STAU2: variants seen among roughly 807,000 people sequenced by gnomAD.
The protein encoded by STAU2 is double-stranded RNA-binding protein Staufen homolog 2.
A neutral mutation model predicts 65.9 loss-of-function variants in STAU2; 20 were observed. The ratio of observed to expected loss-of-function variants is 0.30; its 90% CI spans 0.21 to 0.44. The LOEUF (loss-of-function observed/expected upper bound fraction) is 0.44, where lower values mean the gene tolerates loss of function less well. Among genes scored for constraint, STAU2 ranks in the 20% least tolerant of loss-of-function variants. STAU2 has a pLI of 1.00. For synonymous variants in STAU2, 232 were observed against 233.9 expected (o/e 0.99, Z 0.07); for missense variants, 558 against 683.9 (o/e 0.82, Z 2.05).
At chr8:73,449,215 C>G (rs910604949) in intron 13 of STAU2, among the ~76,000 whole-genome samples, 1 of 152,198 alleles carries the variant, frequency 6.6e-6, no homozygotes, top group Non-Finnish European at 1.5e-5. Context: ...TCCCACAGAC[C>G]GCCACTGAAT....
chr8:73,446,206 A>T (rs1818457290), intron 13 of STAU2, among the ~76,000 whole-genome samples: 1 of 152,234 alleles, frequency 6.6e-6, no homozygotes, highest in African/African-American at 2.4e-5. Context: ...TGTTATTATG[A>T]TTCCATTTAT....
intron 11 of STAU2, among the ~76,000 whole-genome samples, chr8:73,588,271 T>C (rs767974711): frequency 4.5e-4 from 69 of 152,190 alleles, no homozygotes; most frequent in Non-Finnish European, 9.7e-4. Context: ...GTTAACAGCT[T>C]TGGCAGGGCA....
At chr8:73,688,894 A>G in intron 4 of STAU2, 81 bp from the exon 5 acceptor site, 5 of 1,500,184 alleles carry the variant, frequency 3.3e-6, no homozygotes, top group Non-Finnish European at 4.5e-6. Flanking sequence ...AAAAATAAAC[A>G]TCATAGAATC....
chr8:73,648,161 A>G lies in STAU2; in HGVS notation c.410+24946T>C, dbSNP rs1261495239. Among the ~76,000 whole-genome samples, 3 of 152,232 alleles carry G rather than the reference A, an allele frequency of 2.0e-5. No individual in the cohort carries two copies. The East Asian group carries it at 5.8e-4, about 29-fold the overall frequency. ...ATCAATAGTAATTAGCAGTATCTAC[A>G]TTCTCAAGTTTCCAAATACGTATCT... On this transcript the variant is annotated intron_variant, in intron 6 of 14. Transcript: ENST00000524300.
chr8:73,517,338 T>C (rs1822791863), intron 13 of STAU2, among the ~76,000 whole-genome samples: 1 of 152,116 alleles, frequency 6.6e-6, no homozygotes, highest in Non-Finnish European at 1.5e-5. Flanking sequence ...AGTGGGAGGA[T>C]CACTTGTGCT....
chr8:73,651,567 G>A, intron 6 of STAU2: 2 of 839,672 alleles, frequency 2.4e-6, no homozygotes, highest in East Asian at 2.9e-5. Context: ...CTGTGCCCTT[G>A]GGCACCCCTG....
chr8:73,479,291 A>G (rs1459264862), intron 13 of STAU2, among the ~76,000 whole-genome samples: 1 of 152,090 alleles, frequency 6.6e-6, no homozygotes, highest in Non-Finnish European at 1.5e-5. Context: ...TTTTTTAAAT[A>G]ATTTGTCTGA....
chr8:73,528,159 T>C (rs1209618021), intron 13 of STAU2, among the ~76,000 whole-genome samples: 1 of 152,174 alleles, frequency 6.6e-6, no homozygotes, highest in Non-Finnish European at 1.5e-5. Context: ...TAATGTAACT[T>C]TGTCAACCTG....
intron 11 of STAU2, among the ~76,000 whole-genome samples, chr8:73,588,817 C>T (rs903743671): frequency 2.0e-5 from 3 of 152,146 alleles, no homozygotes; most frequent in African/African-American, 7.2e-5. Flanking sequence ...CATGCCCAAA[C>T]TGCCCAAAAA....
intron 13 of STAU2, among the ~76,000 whole-genome samples, chr8:73,490,554 A>C (rs1176797986): frequency 4.6e-5 from 7 of 152,054 alleles, no homozygotes; most frequent in Non-Finnish European, 7.4e-5. Flanking sequence ...AGCAGTTCTC[A>C]TGTTTTAACT....
chr8:73,667,416 C>T lies in STAU2; in HGVS notation c.410+5691G>A, dbSNP rs1241771176. Among the ~76,000 whole-genome samples the T allele has an allele frequency of 2.0e-5, 3 of 152,298 alleles. No individual in the cohort carries two copies. In the East Asian group the frequency reaches 5.8e-4, roughly 29 times the overall value. ...CTGCCTAGACTTCACTCTTCTCATT[C>T]CAGACTTACCGAACTGTTTCTAAGT... On this transcript the variant is annotated intron_variant, in intron 6 of 14. Coordinates refer to ENST00000524300, the MANE Select transcript of STAU2 (RefSeq NM_001164380.2).
intron 13 of STAU2, among the ~76,000 whole-genome samples, chr8:73,504,509 A>G (rs1311761368): frequency 6.6e-6 from 1 of 152,152 alleles, no homozygotes; most frequent in African/African-American, 2.4e-5. Context: ...TCAAATGTAT[A>G]GAGTGTTTGA....
chr8:73,432,884 A>G (rs1817406685), intron 13 of STAU2, among the ~76,000 whole-genome samples: 1 of 152,198 alleles, frequency 6.6e-6, no homozygotes, highest in Admixed American at 6.5e-5. Flanking sequence ...GGTCGGAGAG[A>G]CACATAGATT....
At chr8:73,436,379 A>T (rs1202044664) in intron 13 of STAU2, among the ~76,000 whole-genome samples, 2 of 151,558 alleles carry the variant, frequency 1.3e-5, no homozygotes, top group African/African-American at 2.4e-5. Context: ...GCTAGAACAG[A>T]CCTTTGCTCC....
chr8:73,514,205 T>A (rs561788653), intron 13 of STAU2, among the ~76,000 whole-genome samples: 1 of 152,206 alleles, frequency 6.6e-6, no homozygotes, highest in Non-Finnish European at 1.5e-5. Context: ...AATGTCTCTT[T>A]AGGAGAGATG....
intron 13 of STAU2, chr8:73,440,645 C>CGCACCCCTGTGT (rs998010626): frequency 1.3e-5 from 2 of 151,202 alleles, no homozygotes; most frequent in Non-Finnish European, 1.5e-5. Context: ...CTTCCTAACT[C>CGCACCCCTGTGT]GCACCCCTGT....
intron 13 of STAU2, among the ~76,000 whole-genome samples, chr8:73,478,889 C>T (rs1031582517): frequency 7.9e-5 from 12 of 152,108 alleles, no homozygotes; most frequent in African/African-American, 2.2e-4. Flanking sequence ...TTGAAACTGA[C>T]GGATGGCTAT....
intron 5 of STAU2, 82 bp from the exon 6 acceptor site, chr8:73,673,324 A>G: frequency 7.6e-7 from 1 of 1,312,982 alleles, no homozygotes; most frequent in South Asian, 2.4e-5. Context: ...TACAACGCTT[A>G]AATACCATGG....
At position 73,478,397 on chromosome 8, in the gene STAU2, T is replaced by C. The variant is rs115195942; in HGVS notation, c.1531-55695A>G. Among the ~76,000 whole-genome samples, 262 of 151,924 alleles carry C rather than the reference T, an allele frequency of 1.7e-3. 2 individuals carry two copies. The highest frequency in any genetic ancestry group is 6.1e-3 in the African/African-American group (251 of 41,426). On this transcript the variant is annotated intron_variant, in intron 13 of 14. Transcript: ENST00000524300. The stretch of plus-strand genomic sequence containing the variant: ...TTGTTTTGGGCTGCATTCAAACCTG[T>C]CCTGGGCTGCATGTGGCCCATGGGC...
Sources: allele counts gnomAD v4.1 joint callset (sites outside exome capture counted in the v4.1 genomes callset), GRCh38; gene constraint gnomAD v4.1.1; transcripts MANE v1.5; gene names NCBI Gene and HGNC (gene_info 2026-07-23, HGNC 2026-07-21).